CHN1: variants seen among roughly 807,000 people sequenced by gnomAD.
CHN1 encodes chimerin 1, also known as N-chimaerin.
A neutral mutation model predicts 59.5 loss-of-function variants in CHN1; 37 were observed. The observed-to-expected ratio is 0.62, with a 90% CI of 0.48 to 0.82. CHN1 has a LOEUF of 0.82. CHN1 is among the 40% of genes least tolerant of loss of function. The probability of loss-of-function intolerance (pLI) is 0.00; values close to 1 mark genes in which losing one functional copy is unlikely to be tolerated. For missense variants in CHN1, 469 were observed against 571.0 expected (o/e 0.82, Z 1.82); for synonymous variants, 206 against 200.4 (o/e 1.03, Z -0.24).
chr2:174,887,550 G>C (rs376183188), intron 5 of CHN1, among the ~76,000 whole-genome samples: 1 of 152,092 alleles, frequency 6.6e-6, no homozygotes. Flanking sequence ...GGGAGATAAA[G>C]TAACTTGCCT....
chr2:174,858,763 A>G lies in CHN1; in HGVS notation c.550-11806T>C, dbSNP rs550714691. 2.0e-5 allele frequency among the ~76,000 whole-genome samples: 3 copies of G among 152,188 alleles called. No homozygotes were observed. In the South Asian group the frequency reaches 6.2e-4, roughly 32 times the overall value. ...ATAGTCATTAGGTTCTTATTTTTAT[A>G]CAGACTGTGTCCCATATGGAACTCA... On this transcript the variant is annotated intron_variant, in intron 6 of 12. Coordinates refer to ENST00000409900, the MANE Select transcript of CHN1 (RefSeq NM_001822.7).
intron 7 of CHN1, among the ~76,000 whole-genome samples, chr2:174,830,768 G>T (rs1011509554): frequency 1.3e-5 from 2 of 152,182 alleles, no homozygotes; most frequent in African/African-American, 4.8e-5. Context: ...GGGAAGGGGC[G>T]CAGGTGCTAA....
At chr2:174,845,248 A>G (rs1686468613) in intron 7 of CHN1, among the ~76,000 whole-genome samples, 1 of 152,182 alleles carries the variant, frequency 6.6e-6, no homozygotes. Context: ...TTTTTGCTGA[A>G]CAAATCAGAG....
intron 11 of CHN1, among the ~76,000 whole-genome samples, chr2:174,807,084 G>A (rs1363940018): frequency 6.6e-6 from 1 of 152,126 alleles, no homozygotes; most frequent in Non-Finnish European, 1.5e-5. Context: ...GGACAGGAAG[G>A]CTGTTTCAGA....
chr2:174,875,453 G>A (rs1461748623), intron 6 of CHN1, among the ~76,000 whole-genome samples: 3 of 152,098 alleles, frequency 2.0e-5, no homozygotes, highest in African/African-American at 4.8e-5. Context: ...ACTCCTTAAA[G>A]GATCACAGAC....
In CHN1 at chr2:174,891,555, C is replaced by T. The variant is rs548193140; in HGVS notation, c.261-13427G>A. On this transcript the variant is annotated intron_variant, in intron 5 of 12. Coordinates refer to ENST00000409900, the MANE Select transcript of CHN1 (RefSeq NM_001822.7). Reference sequence around the variant, plus strand: ...TTGCATTCCAGCCTGGGTGACAGAGCGAGACTCCATCTCAAAAAAAAAAAA... The same window carrying T: ...TTGCATTCCAGCCTGGGTGACAGAGTGAGACTCCATCTCAAAAAAAAAAAA... 4.2e-5 allele frequency among the ~76,000 whole-genome samples: 6 copies of T among 144,388 alleles called. No individual in the cohort carries two copies. In the East Asian group the frequency reaches 1.2e-3, roughly 29 times the overall value. 94.7% of individuals were successfully genotyped at this position (144,388 alleles called of 152,430 possible). A position where few individuals can be genotyped will look rare whatever the true frequency, so the allele number is the denominator to read the frequency against.
At chr2:174,901,006 A>G (rs1161114999) in intron 5 of CHN1, among the ~76,000 whole-genome samples, 1 of 152,234 alleles carries the variant, frequency 6.6e-6, no homozygotes, top group Non-Finnish European at 1.5e-5. Flanking sequence ...TTGCATAAAT[A>G]CTATACACAA....
intron 6 of CHN1, among the ~76,000 whole-genome samples, chr2:174,877,081 T>C (rs1233625900): frequency 6.6e-6 from 1 of 152,126 alleles, no homozygotes; most frequent in Non-Finnish European, 1.5e-5. Flanking sequence ...TCACACACTA[T>C]AAAACATCAG....
Position 174,812,332 on chromosome 2 carries a change from C to T in CHN1, c.863G>A (p.Cys288Tyr), listed in dbSNP as rs1220212855. ...TTKRPMVVDM[C>Y]IREIESRGLN... ...ACCTCTAGACTCAATCTCCCTGATG[C>T]ACATGTCTACCACCATTGGCCGCTT... is the stretch of plus-strand genomic sequence containing the variant. The change falls in exon 9 of 13, where the codon TGC becomes TAC. Residue 288 changes from cysteine to tyrosine, a missense_variant. Coordinates refer to ENST00000409900, the MANE Select transcript of CHN1 (RefSeq NM_001822.7). The T allele has an allele frequency of 6.2e-7, 1 of 1,613,316 alleles. No homozygotes were observed. The highest frequency in any genetic ancestry group is 8.5e-7 in the Non-Finnish European group (1 of 1,179,462).
chr2:174,818,031 C>T (rs920660775), intron 8 of CHN1, among the ~76,000 whole-genome samples: 1 of 152,132 alleles, frequency 6.6e-6, no homozygotes, highest in Non-Finnish European at 1.5e-5. Context: ...TCTTGGCCTC[C>T]CAAAGTGCTG....
chr2:174,993,410 T>C (rs1460925327), intron 1 of CHN1, among the ~76,000 whole-genome samples: 3 of 152,168 alleles, frequency 2.0e-5, no homozygotes, highest in Non-Finnish European at 4.4e-5. Context: ...CTTTAACAGT[T>C]GTCAATCTCT....
At chr2:174,979,212 G>A (rs1427901533) in intron 1 of CHN1, among the ~76,000 whole-genome samples, 5 of 152,084 alleles carry the variant, frequency 3.3e-5, no homozygotes, top group African/African-American at 9.7e-5. Context: ...TACAATGAAA[G>A]AAAGCACTTT....
At chr2:174,908,627 C>T (rs952496819) in intron 5 of CHN1, among the ~76,000 whole-genome samples, 4 of 152,214 alleles carry the variant, frequency 2.6e-5, no homozygotes, top group African/African-American at 9.7e-5. Flanking sequence ...TCATATTCTA[C>T]CCTTTTACTT....
At chr2:174,940,528 C>A (rs907084527) in intron 3 of CHN1, among the ~76,000 whole-genome samples, 3 of 148,460 alleles carry the variant, frequency 2.0e-5, no homozygotes, top group Non-Finnish European at 2.9e-5. Flanking sequence ...TATCATCCCA[C>A]CACTGTTTTT....
intron 5 of CHN1, among the ~76,000 whole-genome samples, chr2:174,885,309 G>T (rs962862020): frequency 2.0e-5 from 3 of 151,098 alleles, no homozygotes; most frequent in Non-Finnish European, 4.4e-5. Context: ...TATATAGAGA[G>T]AGAGAAATTA....
chr2:174,886,526 A>C (rs147425026), intron 5 of CHN1, among the ~76,000 whole-genome samples: 2 of 152,302 alleles, frequency 1.3e-5, no homozygotes, highest in African/African-American at 4.8e-5. Context: ...AAACAAGACA[A>C]AAGGATTTAT....
At chr2:174,840,125 A>C (rs1379769594) in intron 7 of CHN1, among the ~76,000 whole-genome samples, 2 of 151,742 alleles carry the variant, frequency 1.3e-5, no homozygotes, top group African/African-American at 4.9e-5. Flanking sequence ...ACATAAAATT[A>C]AAGGTATTTT....
intron 5 of CHN1, among the ~76,000 whole-genome samples, chr2:174,900,104 C>T (rs562594024): frequency 1.3e-5 from 2 of 152,252 alleles, no homozygotes; most frequent in Non-Finnish European, 2.9e-5. Context: ...AAATACAATA[C>T]AGTTGGGAAA....
intron 3 of CHN1, among the ~76,000 whole-genome samples, chr2:174,932,288 C>T (rs768628674): frequency 3.3e-5 from 5 of 152,188 alleles, no homozygotes; most frequent in Non-Finnish European, 7.3e-5. Context: ...TGTCCTACAT[C>T]CATATCCCCT....
Sources: gnomAD v4.1 joint callset for allele counts (sites outside exome capture counted in the v4.1 genomes callset) on GRCh38, gnomAD v4.1.1 for gene constraint, MANE v1.5 for transcripts, NCBI Gene and HGNC (gene_info 2026-07-23, HGNC 2026-07-21) for gene names.